DOCK1: variants seen among roughly 807,000 people sequenced by gnomAD.
DOCK1 encodes dedicator of cytokinesis protein 1.
A neutral mutation model predicts 262.7 loss-of-function variants in DOCK1; 138 were observed. That is an observed-to-expected ratio of 0.53 (90% CI 0.46 to 0.61). DOCK1 has a LOEUF of 0.61. Among genes scored for constraint, DOCK1 ranks in the 20% least tolerant of loss-of-function variants. The probability of loss-of-function intolerance (pLI) is 0.00; values close to 1 mark genes in which losing one functional copy is unlikely to be tolerated. For synonymous variants in DOCK1, 866 were observed against 867.4 expected (o/e 1.00, Z 0.03); for missense variants, 1,908 against 2,370.7 (o/e 0.80, Z 4.05).
chr10:127,440,627 C>T (rs956854082), intron 49 of DOCK1, among the ~76,000 whole-genome samples: 7 of 152,154 alleles, frequency 4.6e-5, no homozygotes, highest in Admixed American at 1.3e-4. Context: ...CCAGAAGGTA[C>T]GTTTTATCTA....
intron 31 of DOCK1, among the ~76,000 whole-genome samples, chr10:127,345,612 T>C (rs1451977409): frequency 1.3e-5 from 2 of 152,222 alleles, no homozygotes; most frequent in Non-Finnish European, 2.9e-5. Context: ...ATGCACTTGC[T>C]GAGCCAAGCA....
chr10:127,244,179 G>A (rs901505176), intron 27 of DOCK1, among the ~76,000 whole-genome samples: 1 of 151,602 alleles, frequency 6.6e-6, no homozygotes, highest in Admixed American at 6.6e-5. Context: ...TCTAGTATAT[G>A]TATCTCTCAT....
chr10:127,188,425 A>G (rs2056472517), intron 27 of DOCK1, among the ~76,000 whole-genome samples: 1 of 152,222 alleles, frequency 6.6e-6, no homozygotes, highest in Non-Finnish European at 1.5e-5. Flanking sequence ...CAAAACATTT[A>G]GAATTCTGTT....
intron 23 of DOCK1, among the ~76,000 whole-genome samples, chr10:127,072,053 CTT>C (rs771524452): frequency 7.2e-5 from 11 of 152,178 alleles, no homozygotes; most frequent in Admixed American, 1.3e-4. Flanking sequence ...AGAGATCTCT[CTT>C]GTTAGGTGCT....
chr10:127,207,743 G>A (rs2057789176), intron 27 of DOCK1, among the ~76,000 whole-genome samples: 1 of 152,212 alleles, frequency 6.6e-6, no homozygotes, highest in Non-Finnish European at 1.5e-5. Flanking sequence ...AGCTCTGCTG[G>A]TGAAGCAGGG....
intron 51 of DOCK1, among the ~76,000 whole-genome samples, chr10:127,449,500 G>A (rs188791519): frequency 6.6e-6 from 1 of 152,316 alleles, no homozygotes; most frequent in African/African-American, 2.4e-5. Context: ...TTAAGTAAGG[G>A]ATAACATGGA....
chr10:127,024,406 A>G (rs1266406889), intron 14 of DOCK1, among the ~76,000 whole-genome samples: 3 of 152,124 alleles, frequency 2.0e-5, no homozygotes, highest in Non-Finnish European at 2.9e-5. Flanking sequence ...GCAGATCCTA[A>G]TGTTAAAGTT....
intron 1 of DOCK1, among the ~76,000 whole-genome samples, chr10:126,945,336 C>T (rs1180306974): frequency 6.6e-6 from 1 of 151,920 alleles, no homozygotes; most frequent in Non-Finnish European, 1.5e-5. Context: ...ACTTGCATTT[C>T]CTTCCCACGT....
intron 1 of DOCK1, among the ~76,000 whole-genome samples, chr10:126,914,066 G>T (rs1475700333): frequency 4.6e-5 from 7 of 152,200 alleles, no homozygotes; most frequent in Non-Finnish European, 1.0e-4. Context: ...AGGCTGTGTT[G>T]CTTGGGACTG....
At chr10:126,977,657 G>A (rs968105841) in intron 2 of DOCK1, among the ~76,000 whole-genome samples, 1 of 152,150 alleles carries the variant, frequency 6.6e-6, no homozygotes, top group African/African-American at 2.4e-5. Flanking sequence ...CCTGCTCTTG[G>A]AACTGTGCAT....
At chr10:127,135,010 A>T (rs1399186079) in intron 27 of DOCK1, among the ~76,000 whole-genome samples, 1 of 152,142 alleles carries the variant, frequency 6.6e-6, no homozygotes, top group African/African-American at 2.4e-5. Flanking sequence ...GAGGCTGGGG[A>T]TGTGCTCAAT....
intron 29 of DOCK1, among the ~76,000 whole-genome samples, chr10:127,271,368 G>A (rs1296534328): frequency 6.6e-6 from 1 of 152,076 alleles, no homozygotes; most frequent in Non-Finnish European, 1.5e-5. Context: ...ACACGAAATT[G>A]GAAATAAAGT....
rs115383543 is a variant in DOCK1 at position 126,992,092 on chromosome 10, A to G, written c.473+1489A>G. On this transcript the variant is annotated intron_variant, in intron 6 of 51. Transcript: ENST00000623213. The stretch of plus-strand genomic sequence containing the variant: ...TAAAGCAACGTTATGAGCAAGATGT[A>G]GGGTTTGGATTAGAAATGCTGTAGG... Among the ~76,000 whole-genome samples, 1,193 of 152,322 alleles carry G rather than the reference A, an allele frequency of 7.8e-3. 15 individuals carry two copies. The highest frequency in any genetic ancestry group is 0.027 in the African/African-American group (1,141 of 41,564).
intron 27 of DOCK1, among the ~76,000 whole-genome samples, chr10:127,191,726 T>C (rs966707222): frequency 3.3e-5 from 5 of 152,184 alleles, no homozygotes; most frequent in Non-Finnish European, 7.3e-5. Flanking sequence ...GAATAGGATA[T>C]AGCCCCATGC....
chr10:127,072,112 A>G (rs1245162327), intron 23 of DOCK1, among the ~76,000 whole-genome samples: 2 of 152,186 alleles, frequency 1.3e-5, no homozygotes, highest in Admixed American at 1.3e-4. Flanking sequence ...TGCTGCCAAC[A>G]TGCAAGGTGC....
In DOCK1 at chr10:127,418,416, G is replaced by A. The variant is rs369052092; in HGVS notation, c.4567G>A (p.Asp1523Asn). ...NAIETMQLTN[D>N]KINSMVQQHL... ...CATTGAGACCATGCAGCTGACGAAC[G>A]ACAAGATCAACAGCATGGTGCAGCA... The change falls in exon 45 of 52, where the codon GAC becomes AAC. Residue 1523 changes from aspartate to asparagine, a missense_variant. By Grantham distance (23) the Asp-to-Asn change is conservative. Transcript: ENST00000623213. The A allele has an allele frequency of 3.4e-5, 55 of 1,613,744 alleles. No homozygotes were observed. Among genetic ancestry groups the A allele is most frequent in the East Asian group, 4.5e-5 (2 of 44,850 alleles).
At chr10:126,963,413 T>G (rs897297624) in intron 1 of DOCK1, among the ~76,000 whole-genome samples, 4 of 152,174 alleles carry the variant, frequency 2.6e-5, no homozygotes, top group African/African-American at 9.7e-5. Flanking sequence ...TGTACCTCCT[T>G]AAGATTATTC....
intron 30 of DOCK1, among the ~76,000 whole-genome samples, chr10:127,340,950 T>A (rs1291573569): frequency 6.6e-6 from 1 of 152,246 alleles, no homozygotes; most frequent in African/African-American, 2.4e-5. Flanking sequence ...TATTTCATTT[T>A]TCTGTAGTGA....
Position 127,031,638 on chromosome 10 carries a change from T to C in DOCK1, c.1625-12T>C, listed in dbSNP as rs1469843430. 1 of 1,597,168 alleles carries C rather than the reference T, an allele frequency of 6.3e-7. No individual in the cohort carries two copies. The highest frequency in any genetic ancestry group is 1.8e-5 in the Admixed American group (1 of 56,632). On this transcript the variant is annotated splice_polypyrimidine_tract_variant and intron_variant, in intron 16 of 51. Transcript: ENST00000623213. ...AAAGCAATCATCAATTTTTTTGTTT[T>C]TTGTTTTACAGCTAAGGATAAATCT... is the stretch of plus-strand genomic sequence containing the variant.
Sources: allele counts gnomAD v4.1 joint callset (sites outside exome capture counted in the v4.1 genomes callset), GRCh38; gene constraint gnomAD v4.1.1; transcripts MANE v1.5; gene names NCBI Gene and HGNC (gene_info 2026-07-23, HGNC 2026-07-21).